The following RBMS1 variants were observed in gnomAD, a reference collection of about 807,000 sequenced individuals.
RBMS1 encodes the protein RNA-binding motif, single-stranded-interacting protein 1.
RBMS1 carries 17 observed loss-of-function variants against 62.3 expected under a neutral mutation model. That is an observed-to-expected ratio of 0.27 (90% CI 0.19 to 0.41). The LOEUF (loss-of-function observed/expected upper bound fraction) is 0.41, where lower values mean the gene tolerates loss of function less well. Ranked by LOEUF, RBMS1 falls within the 10% of genes least tolerant of loss-of-function variation. The probability of loss-of-function intolerance (pLI) is 1.00; values close to 1 mark genes in which losing one functional copy is unlikely to be tolerated. For synonymous variants in RBMS1, 172 were observed against 170.0 expected, an observed-to-expected ratio of 1.01 and a Z score of -0.09; for missense variants, 334 against 504.5, an observed-to-expected ratio of 0.66 and a Z score of 3.24.
chr2:160,345,141 C>T (rs956390087), intron 2 of RBMS1, among the ~76,000 whole-genome samples: 1 of 152,072 alleles, frequency 6.6e-6, no homozygotes, highest in Non-Finnish European at 1.5e-5. Flanking sequence ...TCTTTTTCTT[C>T]CTATTGTGAA....
At chr2:160,428,417 C>T (rs938707134) in intron 1 of RBMS1, among the ~76,000 whole-genome samples, 1 of 152,074 alleles carries the variant, frequency 6.6e-6, no homozygotes, top group Non-Finnish European at 1.5e-5. Flanking sequence ...GTAGTGAAAT[C>T]TTGCTATTTC....
intron 1 of RBMS1, among the ~76,000 whole-genome samples, chr2:160,402,771 T>C (rs7587102): frequency 0.69 from 105,149 of 152,016 alleles, 36,918 homozygotes; most frequent in East Asian, 0.88. Context: ...GCTTTCACCA[T>C]GTAGGCCACT....
At chr2:160,334,181 AT>A (rs1024026416) in intron 2 of RBMS1, among the ~76,000 whole-genome samples, 35 of 152,290 alleles carry the variant, frequency 2.3e-4, no homozygotes, top group Admixed American at 9.8e-4. Flanking sequence ...ATGTAAGGAG[AT>A]TTTGCAGAAA....
chr2:160,296,344 TAC>T (rs760224745), intron 6 of RBMS1, among the ~76,000 whole-genome samples: 2 of 152,206 alleles, frequency 1.3e-5, no homozygotes, highest in Non-Finnish European at 2.9e-5. Flanking sequence ...CAACTTCAGA[TAC>T]AGTCACAGAT....
chr2:160,436,678 G>A (rs147854506), intron 1 of RBMS1, among the ~76,000 whole-genome samples: 1 of 130,716 alleles, frequency 7.7e-6, no homozygotes, highest in Non-Finnish European at 1.8e-5. Context: ...CTTAATACAA[G>A]AACTAACTTT....
intron 2 of RBMS1, among the ~76,000 whole-genome samples, chr2:160,354,629 G>T (rs775103833): frequency 1.1e-4 from 16 of 152,146 alleles, no homozygotes; most frequent in Non-Finnish European, 2.2e-4. Context: ...TATGCTGCAG[G>T]AAAGTGTCCT....
chr2:160,290,049 C>T (rs1213093321), intron 6 of RBMS1, among the ~76,000 whole-genome samples: 1 of 138,854 alleles, frequency 7.2e-6, no homozygotes, highest in Non-Finnish European at 1.5e-5. Context: ...TGTCATGACC[C>T]ACTTATTTTT....
At chr2:160,493,067 C>A (rs935319609) in intron 1 of RBMS1, 10 of 518,930 alleles carry the variant, frequency 1.9e-5, no homozygotes, top group Middle Eastern at 5.0e-4. Flanking sequence ...GTCTCTCCCC[C>A]CGCGGCTTTC....
intron 1 of RBMS1, among the ~76,000 whole-genome samples, chr2:160,389,547 A>T (rs901116113): frequency 1.3e-5 from 2 of 151,778 alleles, no homozygotes; most frequent in Admixed American, 6.6e-5. Context: ...AAAATACAAA[A>T]ATTAGCCAGG....
chr2:160,481,701 G>A (rs1472077759), intron 1 of RBMS1, among the ~76,000 whole-genome samples: 3 of 152,068 alleles, frequency 2.0e-5, no homozygotes, highest in Non-Finnish European at 4.4e-5. Context: ...CAAAAAATTT[G>A]CAAAAGACTT....
chr2:160,390,851 G>A lies in RBMS1; in HGVS notation c.76-23460C>T, dbSNP rs1162859885. ...ACATATTTAAGCTATTAATATTTCT[G>A]TAAAGAAATATCTTCTAACTGCAAG... On this transcript the variant is annotated intron_variant, in intron 1 of 13. Coordinates refer to ENST00000348849, the MANE Select transcript of RBMS1 (RefSeq NM_016836.4). 4.0e-5 allele frequency among the ~76,000 whole-genome samples: 6 copies of A among 149,856 alleles called. No homozygotes were observed. In the South Asian group the frequency reaches 1.3e-3, roughly 32 times the overall value.
At chr2:160,444,139 AGT>A (rs140254100) in intron 1 of RBMS1, among the ~76,000 whole-genome samples, 1 of 152,068 alleles carries the variant, frequency 6.6e-6, no homozygotes, top group South Asian at 2.1e-4. Context: ...GTAGAAAACC[AGT>A]GTGTGTGTGT....
At chr2:160,488,140 C>G (rs1002518528) in intron 1 of RBMS1, among the ~76,000 whole-genome samples, 2 of 152,130 alleles carry the variant, frequency 1.3e-5, no homozygotes, top group African/African-American at 4.8e-5. Flanking sequence ...TGTGTGTGTT[C>G]AACACACACC....
intron 1 of RBMS1, among the ~76,000 whole-genome samples, chr2:160,451,155 T>G (rs920104077): frequency 9.3e-6 from 1 of 107,468 alleles, no homozygotes; most frequent in African/African-American, 3.0e-5. Context: ...AGACCATGCT[T>G]CAGAAAAAAA....
intron 1 of RBMS1, among the ~76,000 whole-genome samples, chr2:160,484,067 G>A (rs1314641123): frequency 1.3e-5 from 2 of 150,172 alleles, no homozygotes; most frequent in Non-Finnish European, 3.0e-5. Context: ...TGGAACTCTT[G>A]GCTTCAAGCA....
At chr2:160,412,301 G>C (rs746493776) in intron 1 of RBMS1, among the ~76,000 whole-genome samples, 1 of 152,188 alleles carries the variant, frequency 6.6e-6, no homozygotes, top group African/African-American at 2.4e-5. Context: ...ATTTTAAAAT[G>C]AAAGTTTCAT....
At chr2:160,386,147 T>C (rs1348278070) in intron 1 of RBMS1, among the ~76,000 whole-genome samples, 3 of 152,244 alleles carry the variant, frequency 2.0e-5, no homozygotes, top group African/African-American at 7.2e-5. Flanking sequence ...TGTTGGCTAA[T>C]ACTCATTTAT....
intron 1 of RBMS1, chr2:160,492,884 T>TA (rs1559619534): frequency 6.0e-6 from 1 of 168,044 alleles, no homozygotes. Context: ...AGTTACAGCT[T>TA]ACAGGGCGAG....
At chr2:160,461,391 G>C (rs896989061) in intron 1 of RBMS1, among the ~76,000 whole-genome samples, 2 of 152,214 alleles carry the variant, frequency 1.3e-5, no homozygotes, top group Admixed American at 6.5e-5. Context: ...GGCATTTCAA[G>C]CATCTGAGTG....
Sources: gnomAD v4.1 joint callset for allele counts (sites outside exome capture counted in the v4.1 genomes callset) on GRCh38, gnomAD v4.1.1 for gene constraint, MANE v1.5 for transcripts, NCBI Gene and HGNC (gene_info 2026-07-23, HGNC 2026-07-21) for gene names.